The following NDST4 variants were observed in gnomAD, a reference collection of about 807,000 sequenced individuals.
NDST4 encodes the protein N-heparan sulfate sulfotransferase 4.
A neutral mutation model predicts 100.8 loss-of-function variants in NDST4; 63 were observed. The ratio of observed to expected loss-of-function variants is 0.62; its 90% confidence interval spans 0.51 to 0.77. NDST4 has a LOEUF of 0.77. Among genes scored for constraint, NDST4 ranks in the 30% least tolerant of loss-of-function variants. The probability of loss-of-function intolerance (pLI) is 0.00; values close to 1 mark genes in which losing one functional copy is unlikely to be tolerated. For synonymous variants in NDST4, 377 were observed against 361.8 expected, an observed-to-expected ratio of 1.04 and a Z score of -0.48; for missense variants, 943 against 1,018.4, an observed-to-expected ratio of 0.93 and a Z score of 1.01.
At chr4:114,849,111 C>G (rs1241089642) in intron 8 of NDST4, among the ~76,000 whole-genome samples, 1 of 152,190 alleles carries the variant, frequency 6.6e-6, no homozygotes, top group Non-Finnish European at 1.5e-5. Flanking sequence ...CAAAATATGA[C>G]AAGTCTGATA....
intron 4 of NDST4, among the ~76,000 whole-genome samples, chr4:114,968,772 C>G (rs186544133): frequency 8.1e-4 from 124 of 152,214 alleles, no homozygotes; most frequent in Non-Finnish European, 1.5e-3. Context: ...TTTCTTAGGT[C>G]AGGGATCATA....
chr4:114,993,627 T>A (rs1727097959), intron 2 of NDST4, among the ~76,000 whole-genome samples: 1 of 151,972 alleles, frequency 6.6e-6, no homozygotes, highest in Non-Finnish European at 1.5e-5. Context: ...TATCTTAGCC[T>A]CTGTTTTAAA....
At chr4:115,086,819 T>G (rs1729418550) in intron 1 of NDST4, among the ~76,000 whole-genome samples, 1 of 152,078 alleles carries the variant, frequency 6.6e-6, no homozygotes. Context: ...AACTGCAAAT[T>G]TCTATGCATT....
At chr4:115,014,432 C>T (rs1727630689) in intron 2 of NDST4, among the ~76,000 whole-genome samples, 2 of 152,020 alleles carry the variant, frequency 1.3e-5, no homozygotes, top group African/African-American at 4.8e-5. Flanking sequence ...TGTTTAGGGG[C>T]TAATGGTATT....
intron 2 of NDST4, among the ~76,000 whole-genome samples, chr4:115,062,453 A>C (rs746741277): frequency 6.6e-6 from 1 of 151,898 alleles, no homozygotes; most frequent in African/African-American, 2.4e-5. Flanking sequence ...ATACACACGA[A>C]AAAATGCCCA....
At chr4:115,002,131 G>T (rs889969059) in intron 2 of NDST4, among the ~76,000 whole-genome samples, 14 of 152,286 alleles carry the variant, frequency 9.2e-5, no homozygotes, top group African/African-American at 3.4e-4. Context: ...GTGTAAAAGG[G>T]TTCTTATTTC....
At chr4:115,091,306 C>G (rs1045403518) in intron 1 of NDST4, among the ~76,000 whole-genome samples, 1 of 151,902 alleles carries the variant, frequency 6.6e-6, no homozygotes, top group Non-Finnish European at 1.5e-5. Flanking sequence ...ATTTCATTTA[C>G]AAGAAATGAC....
chr4:115,076,418 C>G lies in NDST4; in HGVS notation c.619G>C (p.Ala207Pro), dbSNP rs1299209888. ...AGAGGGCCTTTCTCAACCTTGGGGG[C>G]TTTGGTAATATGCAGCAAAGGAGAT... ...PQSPLLHITKAPKVEKGPLPG... is the reference protein window; with the variant it reads ...PQSPLLHITKPPKVEKGPLPG... The change falls in exon 2 of 14, where the codon GCC becomes CCC. Residue 207 changes from alanine (A) to proline (P), a missense_variant. Transcript: ENST00000264363. 1 of 1,613,904 alleles carries G rather than the reference C, an allele frequency of 6.2e-7. No individual in the cohort carries two copies. The highest frequency in any genetic ancestry group is 1.7e-5 in the Admixed American group (1 of 59,994).
Position 114,877,123 on chromosome 4 carries a change from G to A in NDST4, c.1537-6173C>T, listed in dbSNP as rs183519477. 2.0e-3 allele frequency among the ~76,000 whole-genome samples: 308 copies of A among 152,208 alleles called. 1 individual carries two copies. The highest frequency in any genetic ancestry group is 3.1e-3 in the Non-Finnish European group (214 of 68,020). ...GCGCAAGCCTGGGCATAGGAATTCAGAATCAATATTCTTTCTTATTCCATG... is the reference window on the plus strand; with the variant it reads ...GCGCAAGCCTGGGCATAGGAATTCAAAATCAATATTCTTTCTTATTCCATG... On this transcript the variant is annotated intron_variant, in intron 6 of 13. Coordinates refer to ENST00000264363, the MANE Select transcript of NDST4 (RefSeq NM_022569.3).
chr4:115,030,706 T>C (rs1457046564), intron 2 of NDST4, among the ~76,000 whole-genome samples: 2 of 151,994 alleles, frequency 1.3e-5, no homozygotes, highest in South Asian at 2.1e-4. Context: ...TAAAGAGAGA[T>C]AGGAAAAACA....
chr4:114,938,429 A>G (rs1418182549), intron 4 of NDST4, among the ~76,000 whole-genome samples: 1 of 152,272 alleles, frequency 6.6e-6, no homozygotes, highest in African/African-American at 2.4e-5. Flanking sequence ...TGCTAGGTAC[A>G]TAAAATAGAT....
intron 2 of NDST4, among the ~76,000 whole-genome samples, chr4:115,029,397 C>G (rs1314405287): frequency 6.6e-6 from 1 of 152,002 alleles, no homozygotes; most frequent in Non-Finnish European, 1.5e-5. Flanking sequence ...GACTCTTCTT[C>G]CTCTCTCATT....
At chr4:114,951,005 T>C (rs181668447) in intron 4 of NDST4, among the ~76,000 whole-genome samples, 1 of 151,940 alleles carries the variant, frequency 6.6e-6, no homozygotes, top group East Asian at 1.9e-4. Flanking sequence ...ATTCATCGTC[T>C]GTTGAGGAAA....
intron 4 of NDST4, among the ~76,000 whole-genome samples, chr4:114,964,659 T>G (rs1009413834): frequency 1.3e-5 from 2 of 152,174 alleles, no homozygotes; most frequent in African/African-American, 4.8e-5. Flanking sequence ...AAGTACACAA[T>G]ATTATTATTG....
intron 2 of NDST4, among the ~76,000 whole-genome samples, chr4:115,065,094 C>T (rs185534310): frequency 1.2e-4 from 18 of 152,136 alleles, no homozygotes; most frequent in Admixed American, 2.0e-4. Flanking sequence ...TCTTTTTGCT[C>T]CTCCATTGAG....
Position 114,930,695 on chromosome 4 carries a change from T to C in NDST4, c.1536+4511A>G, listed in dbSNP as rs565994314. Among the ~76,000 whole-genome samples, 8 of 152,248 alleles carry C rather than the reference T, an allele frequency of 5.3e-5. No individual in the cohort carries two copies. In the South Asian group the frequency reaches 1.7e-3, roughly 32 times the overall value. On this transcript the variant is annotated intron_variant, in intron 6 of 13. Transcript: ENST00000264363. ...GTGGGCATAGCATAAGGCTCACTATTTCATATTTTCTGTATACACTGGGAC... is the reference window on the plus strand; with the variant it reads ...GTGGGCATAGCATAAGGCTCACTATCTCATATTTTCTGTATACACTGGGAC...
At chr4:114,986,832 A>ATATATTTTTTT in intron 2 of NDST4, among the ~76,000 whole-genome samples, 6 of 94,652 alleles carry the variant, frequency 6.3e-5, no homozygotes, top group African/African-American at 1.1e-4. Flanking sequence ...ATATATATAT[A>ATATATTTTTTT]TTTTAATATA....
intron 11 of NDST4, 55 bp downstream of exon 11, chr4:114,839,295 TAATTTCAGGACATTATAATAAAATATAA>T (rs1329731825): frequency 1.5e-5 from 20 of 1,314,068 alleles, no homozygotes; most frequent in East Asian, 5.0e-5. Context: ...CAGAAGAAAG[TAATTTCAGGACATTATAATAAAATATAA>T]AATTTCAGGA....
chr4:115,109,807 T>C (rs1331181891), intron 1 of NDST4, among the ~76,000 whole-genome samples: 2 of 151,910 alleles, frequency 1.3e-5, no homozygotes, highest in African/African-American at 2.4e-5. Flanking sequence ...ATTTAGCCTG[T>C]CATGTGTAGT....
Sources: gnomAD v4.1 joint callset for allele counts (sites outside exome capture counted in the v4.1 genomes callset) on GRCh38, gnomAD v4.1.1 for gene constraint, MANE v1.5 for transcripts, NCBI Gene and HGNC (gene_info 2026-07-23, HGNC 2026-07-21) for gene names.